MTURN: variants seen among roughly 807,000 people sequenced by gnomAD.
MTURN encodes maturin, neural progenitor differentiation regulator homolog.
A neutral mutation model predicts 14.9 loss-of-function variants in MTURN; 7 were observed. The ratio of observed to expected loss-of-function variants is 0.47; its 90% confidence interval spans 0.27 to 0.88. The LOEUF is 0.88. MTURN is among the 40% of genes least tolerant of loss of function. The probability of loss-of-function intolerance (pLI) is 0.14; values close to 1 mark genes in which losing one functional copy is unlikely to be tolerated. For missense variants in MTURN, 151 were observed against 174.1 expected (o/e 0.87, Z 0.75); for synonymous variants, 69 against 72.5 (o/e 0.95, Z 0.25).
At chr7:30,149,365 A>G (rs1270460977) in intron 2 of MTURN, among the ~76,000 whole-genome samples, 1 of 152,136 alleles carries the variant, frequency 6.6e-6, no homozygotes, top group Non-Finnish European at 1.5e-5. Flanking sequence ...GTGGCACAGC[A>G]TGCCCTTTGG....
intron 2 of MTURN, among the ~76,000 whole-genome samples, chr7:30,155,396 C>T (rs1797271866): frequency 6.6e-6 from 1 of 152,206 alleles, no homozygotes; most frequent in Admixed American, 6.5e-5. Flanking sequence ...GAGCAGCTCT[C>T]CAAATAAAAA....
At chr7:30,153,780 C>T (rs1275207629) in intron 2 of MTURN, among the ~76,000 whole-genome samples, 6 of 152,268 alleles carry the variant, frequency 3.9e-5, no homozygotes, top group African/African-American at 1.4e-4. Flanking sequence ...TGCAATGGCA[C>T]GATCTTGGCT....
At chr7:30,157,411 T>G (rs775552977) in intron 2 of MTURN, 27 bp from the exon 3 acceptor site, 10 of 1,540,196 alleles carry the variant, frequency 6.5e-6, no homozygotes, top group Non-Finnish European at 8.7e-6. Context: ...CGCTCACAGC[T>G]GCTTTTCTCT....
chr7:30,141,086 GAC>G (rs1280194969), intron 1 of MTURN: 1 of 152,278 alleles, frequency 6.6e-6, no homozygotes, highest in African/African-American at 2.4e-5. Context: ...GTCAGTGGCT[GAC>G]ACACAGATCG....
chr7:30,150,477 G>A (rs115815097), intron 2 of MTURN, among the ~76,000 whole-genome samples: 9 of 152,370 alleles, frequency 5.9e-5, no homozygotes, highest in African/African-American at 2.2e-4. Context: ...ACCAGTGGAT[G>A]CACCTGTCCT....
rs1270217788 is a variant in MTURN, at chr7:30,146,294, A to G, written c.280A>G (p.Arg94Gly). The G allele has an allele frequency of 6.2e-7, 1 of 1,613,882 alleles. No homozygotes were observed. The highest frequency in any genetic ancestry group is 1.3e-5 in the African/African-American group (1 of 74,934). The change falls in exon 2 of 3, where the codon AGA becomes GGA. Residue 94 changes from arginine to glycine, a missense_variant. Arg to Gly is a moderately radical substitution (Grantham distance 125). Transcript: ENST00000324453. ...EVLEKVFKSF[R>G]PLLGLPDADD... The stretch of plus-strand genomic sequence containing the variant: ...CCTGGAAAAAGTCTTCAAGTCTTTC[A>G]GACCTGTAGGTGCCTGCTTGGCTTC...
Position 30,157,584 on chromosome 7 carries a change from A to G in MTURN, c.*36A>G. 3 of 1,519,520 alleles carry G rather than the reference A, an allele frequency of 2.0e-6. No individual in the cohort carries two copies. Among genetic ancestry groups the G allele is most frequent in the Non-Finnish European group, 2.7e-6 (3 of 1,124,664 alleles). 94.1% of individuals were successfully genotyped at this position (1,519,520 alleles called of 1,614,324 possible). On this transcript the variant is annotated 3_prime_UTR_variant, in exon 3 of 3. Transcript: ENST00000324453. ...TCCCCTGAGAAGGAGAGTGAGCCCC[A>G]CAGTAACCTAGGTGGGGTCACTGCC...
At chr7:30,140,398 T>G (rs933766319) in intron 1 of MTURN, among the ~76,000 whole-genome samples, 1 of 129,258 alleles carries the variant, frequency 7.7e-6, no homozygotes, top group Non-Finnish European at 1.7e-5. Context: ...TAGAGGGGTG[T>G]GTGTGTGTGT....
rs190955667 is a variant in MTURN at position 30,162,446 on chromosome 7, A to G, written c.*4898A>G. On this transcript the variant is annotated 3_prime_UTR_variant, in exon 3 of 3. Transcript: ENST00000324453. ...AGAGCAAAATTTAGTCATCTACACAAGAAGCAAAAGCAAGGAATAGTTGTT... is the reference window on the plus strand; with the variant it reads ...AGAGCAAAATTTAGTCATCTACACAGGAAGCAAAAGCAAGGAATAGTTGTT... The G allele has an allele frequency of 6.6e-6, 1 of 152,532 alleles. No homozygotes were observed. Among genetic ancestry groups the G allele is most frequent in the East Asian group, 1.9e-4 (1 of 5,178 alleles). The allele number at this position is 152,532 out of a possible 1,614,324, so 9.4% of individuals were successfully genotyped here. A position where few individuals can be genotyped will look rare whatever the true frequency, so the allele number is the denominator to read the frequency against.
chr7:30,143,130 A>T (rs551359250), intron 1 of MTURN, among the ~76,000 whole-genome samples: 2 of 151,848 alleles, frequency 1.3e-5, no homozygotes, highest in South Asian at 4.2e-4. Context: ...CTAAGAGAAT[A>T]ACCGCTCTGC....
Position 30,162,494 on chromosome 7 carries a change from G to GT in MTURN, c.*4961dup, listed in dbSNP as rs10567268. ...GTTGGGTTTTTGTTTTTTGGTTGTT[G>GT]TTTTTTTTTTTTTTTAGGCAAGAAG... On this transcript the variant is annotated 3_prime_UTR_variant, in exon 3 of 3. Coordinates refer to ENST00000324453, the MANE Select transcript of MTURN (RefSeq NM_152793.3). 0.015 allele frequency: 2,077 copies of GT among 139,616 alleles called. 25 individuals are homozygous for GT. The highest frequency in any genetic ancestry group is 0.027 in the South Asian group (118 of 4,310). 8.6% of individuals were successfully genotyped at this position (139,616 alleles called of 1,614,324 possible).
intron 1 of MTURN, chr7:30,145,956 T>C: frequency 6.4e-7 from 1 of 1,551,704 alleles, no homozygotes; most frequent in Non-Finnish European, 8.7e-7. Flanking sequence ...ACAGAGCAGG[T>C]GAGGTATGGA....
intron 2 of MTURN, among the ~76,000 whole-genome samples, chr7:30,151,395 G>A (rs1468865997): frequency 6.6e-6 from 1 of 152,168 alleles, no homozygotes; most frequent in Non-Finnish European, 1.5e-5. Flanking sequence ...ATACACGATT[G>A]AGCTGGAGAA....
At chr7:30,155,500 A>G (rs569948680) in intron 2 of MTURN, among the ~76,000 whole-genome samples, 1 of 152,294 alleles carries the variant, frequency 6.6e-6, no homozygotes, top group Admixed American at 6.5e-5. Context: ...ATTTACTAAA[A>G]TCTGCAAGGG....
intron 2 of MTURN, among the ~76,000 whole-genome samples, chr7:30,149,732 A>C (rs17547430): frequency 6.6e-6 from 1 of 152,152 alleles, no homozygotes; most frequent in Non-Finnish European, 1.5e-5. Flanking sequence ...CGCTTACCCA[A>C]ATGCTACAGG....
intron 2 of MTURN, among the ~76,000 whole-genome samples, chr7:30,155,378 A>C (rs1169615688): frequency 1.3e-5 from 2 of 152,218 alleles, no homozygotes; most frequent in Non-Finnish European, 2.9e-5. Context: ...TTACCTTGCT[A>C]TGTCATCGAG....
intron 1 of MTURN, among the ~76,000 whole-genome samples, chr7:30,142,423 T>G (rs1339947111): frequency 6.6e-6 from 1 of 152,174 alleles, no homozygotes; most frequent in Non-Finnish European, 1.5e-5. Context: ...CGGAAAGATA[T>G]TTAAATGTCA....
Position 30,162,532 on chromosome 7 carries a change from G to A in MTURN, c.*4984G>A, listed in dbSNP as rs1031393209. 2.6e-5 allele frequency: 4 copies of A among 151,852 alleles called. No individual in the cohort carries two copies. The highest frequency in any genetic ancestry group is 9.7e-5 in the African/African-American group (4 of 41,234). 9.4% of individuals were successfully genotyped at this position (151,852 alleles called of 1,614,324 possible). On this transcript the variant is annotated 3_prime_UTR_variant, in exon 3 of 3. Coordinates refer to ENST00000324453, the MANE Select transcript of MTURN (RefSeq NM_152793.3). ...TTTAGGCAAGAAGTGTTGCCGGTAG[G>A]GTATGTGTGCTTTCTTTGCCTTCCT...
At chr7:30,135,969 A>AAC (rs56329067) in intron 1 of MTURN, among the ~76,000 whole-genome samples, 26,372 of 151,844 alleles carry the variant, frequency 0.17, 2,358 homozygotes, top group Middle Eastern at 0.23. Flanking sequence ...CATACACCCC[A>AAC]ACACACACAC....
Sources: allele counts gnomAD v4.1 joint callset (sites outside exome capture counted in the v4.1 genomes callset), GRCh38; gene constraint gnomAD v4.1.1; transcripts MANE v1.5; gene names NCBI Gene and HGNC (gene_info 2026-07-23, HGNC 2026-07-21).